B3GALT1: variants seen among roughly 807,000 people sequenced by gnomAD.
B3GALT1 encodes the protein beta-1,3-galactosyltransferase 1.
A neutral mutation model predicts 23.2 loss-of-function variants in B3GALT1; 10 were observed. That is an observed-to-expected ratio of 0.43 (90% confidence interval 0.27 to 0.73). B3GALT1 has a LOEUF of 0.73. B3GALT1 is among the 30% of genes least tolerant of loss of function. The probability of loss-of-function intolerance (pLI) is 0.21; values close to 1 mark genes in which losing one functional copy is unlikely to be tolerated. For missense variants in B3GALT1, 299 were observed against 405.4 expected, an observed-to-expected ratio of 0.74 and a Z score of 2.25; for synonymous variants, 156 against 141.5, an observed-to-expected ratio of 1.10 and a Z score of -0.73.
chr2:167,534,488 A>C lies in B3GALT1; in HGVS notation c.-410+44211A>C, dbSNP rs73026015. 6.3e-3 allele frequency among the ~76,000 whole-genome samples: 956 copies of C among 152,226 alleles called. 11 individuals carry two copies. The highest frequency in any genetic ancestry group is 0.022 in the African/African-American group (911 of 41,538). On this transcript the variant is annotated intron_variant, in intron 2 of 4. Transcript: ENST00000392690. ...GCCCTGTTTTTATGTAAAACATACT[A>C]GTTGGAAATATTTCTGTGGGTGGAC...
intron 1 of B3GALT1, among the ~76,000 whole-genome samples, chr2:167,312,885 AATT>A (rs1305561212): frequency 2.0e-5 from 3 of 152,056 alleles, no homozygotes; most frequent in African/African-American, 7.2e-5. Context: ...CAATTTTTTA[AATT>A]ATTCTGATAA....
chr2:167,807,470 C>G, intron 3 of B3GALT1, among the ~76,000 whole-genome samples: 1 of 152,002 alleles, frequency 6.6e-6, no homozygotes, highest in Non-Finnish European at 1.5e-5. Flanking sequence ...AAATTTCCCT[C>G]TACACACTGC....
chr2:167,326,258 C>A (rs545334040), intron 1 of B3GALT1, among the ~76,000 whole-genome samples: 30 of 122,390 alleles, frequency 2.5e-4, no homozygotes, highest in African/African-American at 8.0e-4. Flanking sequence ...GTATTTATGT[C>A]TTTTGCCCAC....
chr2:167,502,467 A>C (rs188365682), intron 2 of B3GALT1, among the ~76,000 whole-genome samples: 3 of 152,360 alleles, frequency 2.0e-5, no homozygotes, highest in Non-Finnish European at 4.4e-5. Context: ...CCTGAAACTT[A>C]TAAAGAAGTT....
intron 1 of B3GALT1, among the ~76,000 whole-genome samples, chr2:167,416,828 A>G (rs140413487): frequency 1.1e-4 from 17 of 152,220 alleles, no homozygotes; most frequent in Non-Finnish European, 2.4e-4. Context: ...CAGCTTTAAG[A>G]TTTCATGTTT....
chr2:167,661,851 G>T (rs1410260459), intron 3 of B3GALT1, among the ~76,000 whole-genome samples: 2 of 152,022 alleles, frequency 1.3e-5, no homozygotes, highest in African/African-American at 4.8e-5. Flanking sequence ...ATGCTTTCAG[G>T]TTCCGGACTC....
intron 3 of B3GALT1, among the ~76,000 whole-genome samples, chr2:167,681,541 G>A (rs185095883): frequency 5.3e-5 from 8 of 152,250 alleles, no homozygotes; most frequent in East Asian, 1.9e-4. Flanking sequence ...AGCACCTTTC[G>A]TTTGGATTTT....
At chr2:167,303,682 C>CACACACACACACACATAG in intron 1 of B3GALT1, among the ~76,000 whole-genome samples, 1 of 148,834 alleles carries the variant, frequency 6.7e-6, no homozygotes, top group East Asian at 2.1e-4. Context: ...CACACACACA[C>CACACACACACACACATAG]AGAGAGAGAC....
At chr2:167,762,585 A>C (rs1033036952) in intron 3 of B3GALT1, among the ~76,000 whole-genome samples, 14 of 151,878 alleles carry the variant, frequency 9.2e-5, no homozygotes, top group Non-Finnish European at 1.9e-4. Context: ...AAAAATAAAA[A>C]AAAAAAAAAA....
At chr2:167,673,181 A>G (rs1268489919) in intron 3 of B3GALT1, among the ~76,000 whole-genome samples, 4 of 152,136 alleles carry the variant, frequency 2.6e-5, no homozygotes, top group African/African-American at 7.2e-5. Context: ...AGAAAATCTC[A>G]AAGATGGCTT....
At chr2:167,366,919 C>T (rs1473613914) in intron 1 of B3GALT1, among the ~76,000 whole-genome samples, 1 of 152,184 alleles carries the variant, frequency 6.6e-6, no homozygotes, top group Non-Finnish European at 1.5e-5. Context: ...AGCACAAAGG[C>T]AGAAGGTGCC....
At chr2:167,357,635 A>C (rs912245476) in intron 1 of B3GALT1, among the ~76,000 whole-genome samples, 3 of 152,206 alleles carry the variant, frequency 2.0e-5, no homozygotes, top group African/African-American at 7.2e-5. Context: ...GTGCTTAAGA[A>C]ATTGAAAACA....
intron 3 of B3GALT1, among the ~76,000 whole-genome samples, chr2:167,724,961 A>G (rs1415027579): frequency 2.0e-5 from 3 of 152,228 alleles, no homozygotes; most frequent in African/African-American, 2.4e-5. Context: ...CTTGGAGAAC[A>G]TGACCACTGG....
At chr2:167,431,072 A>G (rs892034319) in intron 1 of B3GALT1, among the ~76,000 whole-genome samples, 1 of 152,194 alleles carries the variant, frequency 6.6e-6, no homozygotes, top group African/African-American at 2.4e-5. Context: ...GCTGCTGCCT[A>G]GGGAAAATCC....
At chr2:167,503,666 C>G (rs1002959180) in intron 2 of B3GALT1, among the ~76,000 whole-genome samples, 1 of 152,124 alleles carries the variant, frequency 6.6e-6, no homozygotes, top group East Asian at 1.9e-4. Flanking sequence ...CACTCAATTT[C>G]TCTTCTTGAA....
chr2:167,365,585 TACACACACACAC>T lies in B3GALT1; in HGVS notation c.-511+72280_-511+72291del, dbSNP rs10683932. Among the ~76,000 whole-genome samples the T allele has an allele frequency of 2.3e-4, 32 of 140,474 alleles. No individual in the cohort carries two copies. The East Asian group carries it at 2.3e-3, about 10-fold the overall frequency. The allele number at this position is 140,474 out of a possible 152,430, so 92.2% of individuals were successfully genotyped here. On this transcript the variant is annotated intron_variant, in intron 1 of 4. Transcript: ENST00000392690. ...TGCATATTCATAATAGAGATACAAA[TACACACACACAC>T]ACACACACACACACACACACACACA...
At chr2:167,397,190 T>A (rs1017053655) in intron 1 of B3GALT1, among the ~76,000 whole-genome samples, 5 of 151,934 alleles carry the variant, frequency 3.3e-5, no homozygotes, top group Non-Finnish European at 7.4e-5. Context: ...TGCTTGAAAT[T>A]CCTTCCTTCA....
intron 1 of B3GALT1, among the ~76,000 whole-genome samples, chr2:167,451,268 C>A (rs1434827995): frequency 6.6e-6 from 1 of 152,040 alleles, no homozygotes; most frequent in East Asian, 1.9e-4. Flanking sequence ...GTTAAAGAGT[C>A]TTGTTTTGTC....
intron 2 of B3GALT1, among the ~76,000 whole-genome samples, chr2:167,564,610 C>T (rs61400196): frequency 0.083 from 12,612 of 152,234 alleles, 1,001 homozygotes; most frequent in African/African-American, 0.2. Flanking sequence ...TCTGCAATCC[C>T]GGCACCTCGG....
Sources: gnomAD v4.1 joint callset for allele counts (sites outside exome capture counted in the v4.1 genomes callset) on GRCh38, gnomAD v4.1.1 for gene constraint, MANE v1.5 for transcripts, NCBI Gene and HGNC (gene_info 2026-07-23, HGNC 2026-07-21) for gene names.